Variants in CCSER1 observed in about 807,000 individuals in gnomAD.
CCSER1 encodes coiled-coil serine rich protein 1, also known as serine-rich coiled-coil domain-containing protein 1.
Under a neutral mutation model 82.0 loss-of-function variants are expected in CCSER1, and 41 were observed. The ratio of observed to expected loss-of-function variants is 0.50; its 90% confidence interval spans 0.39 to 0.65. The LOEUF is 0.65. Ranked by LOEUF, CCSER1 falls within the 30% of genes least tolerant of loss-of-function variation. The pLI is 0.00. For synonymous variants in CCSER1, 414 were observed against 383.9 expected (o/e 1.08, Z -0.92); for missense variants, 1,119 against 1,064.2 (o/e 1.05, Z -0.72).
At chr4:91,124,910 T>C (rs72888543) in intron 10 of CCSER1, among the ~76,000 whole-genome samples, 2,167 of 151,852 alleles carry the variant, frequency 0.014, 51 homozygotes, top group African/African-American at 0.05. Context: ...TTTAATTTTT[T>C]TCACTGACTT....
Position 91,603,518 on chromosome 4 carries a change from A to T in CCSER1, c.*4461A>T, listed in dbSNP as rs1764883490. 1 of 152,112 alleles carries T rather than the reference A, an allele frequency of 6.6e-6. No individual in the cohort carries two copies. Among genetic ancestry groups the T allele is most frequent in the Non-Finnish European group, 1.5e-5 (1 of 67,996 alleles). 9.4% of individuals were successfully genotyped at this position (152,112 alleles called of 1,614,324 possible). On this transcript the variant is annotated 3_prime_UTR_variant, in exon 11 of 11. Coordinates refer to ENST00000509176, the MANE Select transcript of CCSER1 (RefSeq NM_001145065.2). ...TAAGGTGAAATAAAATCATTAATAG[A>T]GAGTAGGTTCCTTCCATTTGAGTAA...
At chr4:90,407,842 C>T (rs1417960263) in intron 4 of CCSER1, among the ~76,000 whole-genome samples, 1 of 152,130 alleles carries the variant, frequency 6.6e-6, no homozygotes, top group African/African-American at 2.4e-5. Context: ...GAGGCATTAC[C>T]TCACCTGGGA....
chr4:90,235,118 T>C (rs1176619094), intron 1 of CCSER1: 3 of 152,292 alleles, frequency 2.0e-5, no homozygotes, highest in Non-Finnish European at 4.4e-5. Context: ...CTGCCAAATA[T>C]GTTGTTATCA....
intron 3 of CCSER1, among the ~76,000 whole-genome samples, chr4:90,388,000 C>G (rs1371159684): frequency 6.6e-6 from 1 of 152,166 alleles, no homozygotes; most frequent in African/African-American, 2.4e-5. Flanking sequence ...GGACTGTGCT[C>G]TCAGACTTTG....
chr4:90,909,033 G>T (rs1725929852), intron 8 of CCSER1, among the ~76,000 whole-genome samples: 1 of 152,010 alleles, frequency 6.6e-6, no homozygotes, highest in South Asian at 2.1e-4. Context: ...TTTCCTCTGA[G>T]GGCTCTAGAA....
chr4:91,563,078 T>A (rs1398284229), intron 10 of CCSER1, among the ~76,000 whole-genome samples: 2 of 151,650 alleles, frequency 1.3e-5, no homozygotes, highest in African/African-American at 4.8e-5. Context: ...GCAGACATGA[T>A]GGCTTTATTT....
At chr4:90,518,620 T>C (rs571775794) in intron 5 of CCSER1, among the ~76,000 whole-genome samples, 1 of 152,122 alleles carries the variant, frequency 6.6e-6, no homozygotes, top group East Asian at 1.9e-4. Context: ...TAATAAGTTC[T>C]GAGCAGAAAA....
chr4:90,339,164 A>G (rs1740932391), intron 3 of CCSER1, among the ~76,000 whole-genome samples: 1 of 152,198 alleles, frequency 6.6e-6, no homozygotes, highest in Non-Finnish European at 1.5e-5. Context: ...CTCATGCCAA[A>G]AAACTTGAAC....
At position 90,932,968 on chromosome 4, in the gene CCSER1, A is replaced by AG. The variant is rs1730179524; in HGVS notation, c.2172+9521_2172+9522insG. ...AAAGAAAGAAAGAAAGAAAGAAAGA[A>AG]AGAAAGAAAGAAAGAGAAAGAAAGA... On this transcript the variant is annotated intron_variant, in intron 9 of 10. Transcript: ENST00000509176. 2.9e-4 allele frequency among the ~76,000 whole-genome samples: 13 copies of AG among 44,140 alleles called. 3 individuals are homozygous for AG. The highest frequency in any genetic ancestry group is 1.0e-3 in the African/African-American group (6 of 5,984). 29.0% of individuals were successfully genotyped at this position (44,140 alleles called of 152,430 possible). A position where few individuals can be genotyped will look rare whatever the true frequency, so the allele number is the denominator to read the frequency against.
intron 5 of CCSER1, among the ~76,000 whole-genome samples, chr4:90,584,817 T>C (rs1241823145): frequency 6.6e-6 from 1 of 152,130 alleles, no homozygotes; most frequent in East Asian, 1.9e-4. Flanking sequence ...ATTTAAACTC[T>C]CAAGCAGATT....
At chr4:90,526,512 C>A (rs1773780658) in intron 5 of CCSER1, among the ~76,000 whole-genome samples, 1 of 152,132 alleles carries the variant, frequency 6.6e-6, no homozygotes, top group African/African-American at 2.4e-5. Flanking sequence ...AACCCGTCAT[C>A]TACATTAGAT....
At chr4:90,181,487 A>G (rs1733724121) in intron 1 of CCSER1, among the ~76,000 whole-genome samples, 1 of 152,124 alleles carries the variant, frequency 6.6e-6, no homozygotes, top group East Asian at 1.9e-4. Context: ...CCCATTTGCA[A>G]CCCATCTCAA....
intron 6 of CCSER1, among the ~76,000 whole-genome samples, chr4:90,644,902 T>A (rs1453206284): frequency 2.7e-5 from 4 of 147,518 alleles, no homozygotes; most frequent in African/African-American, 7.5e-5. Flanking sequence ...ACCAATATGA[T>A]GAAACCCCAT....
At chr4:90,970,298 G>A (rs933230794) in intron 9 of CCSER1, among the ~76,000 whole-genome samples, 3 of 151,802 alleles carry the variant, frequency 2.0e-5, no homozygotes, top group Non-Finnish European at 4.4e-5. Flanking sequence ...GACAGTAAGG[G>A]TGAGTATAAT....
chr4:90,514,522 A>G (rs959222417), intron 5 of CCSER1, among the ~76,000 whole-genome samples: 5 of 152,102 alleles, frequency 3.3e-5, no homozygotes, highest in Non-Finnish European at 7.4e-5. Context: ...TTGGGAGGCC[A>G]AGGTGGGTGG....
chr4:90,663,248 C>A (rs1005039193), intron 6 of CCSER1, among the ~76,000 whole-genome samples: 2 of 152,118 alleles, frequency 1.3e-5, no homozygotes, highest in African/African-American at 4.8e-5. Context: ...TTATTTCTTA[C>A]AATTTTCTAT....
At chr4:90,153,518 C>A (rs1337341674) in intron 1 of CCSER1, among the ~76,000 whole-genome samples, 1 of 152,020 alleles carries the variant, frequency 6.6e-6, no homozygotes, top group Non-Finnish European at 1.5e-5. Flanking sequence ...TCAAAGTGTT[C>A]CTATTTCTCC....
chr4:90,351,862 ATGAG>A (rs1385923569), intron 3 of CCSER1, among the ~76,000 whole-genome samples: 4 of 152,240 alleles, frequency 2.6e-5, no homozygotes, highest in African/African-American at 9.6e-5. Flanking sequence ...AATGTTGACA[ATGAG>A]TGTGTTGATG....
At chr4:90,455,715 A>T (rs1355040484) in intron 4 of CCSER1, among the ~76,000 whole-genome samples, 1 of 152,200 alleles carries the variant, frequency 6.6e-6, no homozygotes, top group Non-Finnish European at 1.5e-5. Context: ...CAACAGGAGT[A>T]TTCACACCCA....
Sources: allele counts gnomAD v4.1 joint callset (sites outside exome capture counted in the v4.1 genomes callset), GRCh38; gene constraint gnomAD v4.1.1; transcripts MANE v1.5; gene names NCBI Gene and HGNC (gene_info 2026-07-23, HGNC 2026-07-21).